Variants in PRKCE observed in about 807,000 individuals in gnomAD.
The protein encoded by PRKCE is protein kinase C epsilon type.
In PRKCE, 16 loss-of-function variants were observed where a neutral mutation model predicts 85.4. The ratio of observed to expected loss-of-function variants is 0.19; its 90% CI spans 0.13 to 0.28. The LOEUF (loss-of-function observed/expected upper bound fraction) is 0.28. PRKCE is among the 10% of genes least tolerant of loss of function. The pLI is 1.00. For missense variants in PRKCE, 573 were observed against 975.2 expected (o/e 0.59, Z 5.49); for synonymous variants, 388 against 371.5 (o/e 1.04, Z -0.51).
At chr2:46,051,886 A>C (rs535330146) in intron 10 of PRKCE, among the ~76,000 whole-genome samples, 10 of 152,136 alleles carry the variant, frequency 6.6e-5, no homozygotes, top group Non-Finnish European at 1.2e-4. Context: ...CAGCAGAGAG[A>C]GAAGAAGTGC....
chr2:45,807,285 T>C (rs1021711107), intron 1 of PRKCE, among the ~76,000 whole-genome samples: 1 of 152,182 alleles, frequency 6.6e-6, no homozygotes, highest in East Asian at 1.9e-4. Flanking sequence ...CACATAACAG[T>C]GGAATGATCA....
intron 1 of PRKCE, among the ~76,000 whole-genome samples, chr2:45,783,878 T>C (rs1686388003): frequency 1.3e-5 from 2 of 152,300 alleles, no homozygotes; most frequent in South Asian, 4.1e-4. Context: ...GATAGGAAAG[T>C]CACAGAAAGC....
At chr2:46,132,774 G>T (rs1558488305) in intron 11 of PRKCE, among the ~76,000 whole-genome samples, 1 of 152,152 alleles carries the variant, frequency 6.6e-6, no homozygotes, top group East Asian at 1.9e-4. Flanking sequence ...TACCTTCCAT[G>T]GCCAAATTAA....
intron 14 of PRKCE, among the ~76,000 whole-genome samples, chr2:46,164,263 C>T (rs3820730): frequency 0.81 from 122,696 of 152,150 alleles, 49,831 homozygotes; most frequent in East Asian, 0.96. Flanking sequence ...GGCAAGACAC[C>T]GTGAGAAGGG....
chr2:45,804,866 A>G (rs1328958673), intron 1 of PRKCE, among the ~76,000 whole-genome samples: 1 of 152,216 alleles, frequency 6.6e-6, no homozygotes, highest in Non-Finnish European at 1.5e-5. Flanking sequence ...GATTGTTTCA[A>G]AAGCCTTTCC....
chr2:45,899,486 A>G (rs909672212), intron 2 of PRKCE, among the ~76,000 whole-genome samples: 4 of 151,082 alleles, frequency 2.6e-5, no homozygotes, highest in Non-Finnish European at 5.9e-5. Context: ...GGCTCAGATG[A>G]TCTCCCCACC....
chr2:45,863,139 T>C (rs1052664907), intron 2 of PRKCE, among the ~76,000 whole-genome samples: 8 of 152,070 alleles, frequency 5.3e-5, no homozygotes, highest in South Asian at 2.1e-4. Flanking sequence ...GGAAGTTGGG[T>C]ATGCAGAATT....
At chr2:45,795,846 C>A (rs985625643) in intron 1 of PRKCE, among the ~76,000 whole-genome samples, 2 of 152,070 alleles carry the variant, frequency 1.3e-5, no homozygotes, top group Non-Finnish European at 2.9e-5. Flanking sequence ...GCTGTGAGAC[C>A]CCCCGCAGAG....
intron 9 of PRKCE, among the ~76,000 whole-genome samples, chr2:46,008,939 C>T (rs1416930526): frequency 2.6e-5 from 4 of 152,182 alleles, no homozygotes; most frequent in Non-Finnish European, 5.9e-5. Context: ...CTGTAAAATA[C>T]GCGGGCGACA....
chr2:45,747,867 G>A (rs1387349904), intron 1 of PRKCE, among the ~76,000 whole-genome samples: 1 of 151,910 alleles, frequency 6.6e-6, no homozygotes, highest in African/African-American at 2.4e-5. Context: ...CCAACACTTA[G>A]TCTTCTTTTT....
chr2:45,711,525 C>T (rs1200303722), intron 1 of PRKCE, among the ~76,000 whole-genome samples: 2 of 152,234 alleles, frequency 1.3e-5, no homozygotes, highest in African/African-American at 4.8e-5. Context: ...TTGTAAAGCA[C>T]TTAGCGTGCC....
chr2:46,056,421 T>A (rs1282429238), intron 10 of PRKCE, among the ~76,000 whole-genome samples: 1 of 152,170 alleles, frequency 6.6e-6, no homozygotes, highest in African/African-American at 2.4e-5. Flanking sequence ...TTATATGGGA[T>A]TAAGTTTTCC....
chr2:45,860,341 G>C (rs937669432), intron 2 of PRKCE, among the ~76,000 whole-genome samples: 42 of 152,210 alleles, frequency 2.8e-4, no homozygotes, highest in African/African-American at 1.0e-3. Flanking sequence ...ACTGATCCAT[G>C]TAACTCTGGC....
chr2:45,655,229 G>A (rs1242525019), intron 1 of PRKCE, among the ~76,000 whole-genome samples: 1 of 152,130 alleles, frequency 6.6e-6, no homozygotes, highest in Non-Finnish European at 1.5e-5. Context: ...TTGACACCAA[G>A]TACCCACATA....
chr2:46,158,507 C>A (rs1677437352), intron 13 of PRKCE, among the ~76,000 whole-genome samples: 1 of 152,170 alleles, frequency 6.6e-6, no homozygotes, highest in African/African-American at 2.4e-5. Context: ...CCCTTTCACT[C>A]TTTATCTGGG....
intron 14 of PRKCE, among the ~76,000 whole-genome samples, chr2:46,170,498 A>G (rs1426394183): frequency 1.3e-5 from 2 of 152,238 alleles, no homozygotes; most frequent in Non-Finnish European, 2.9e-5. Context: ...AGAGAGTTAC[A>G]TCTGTTTTGT....
At chr2:45,670,548 G>C (rs1043958264) in intron 1 of PRKCE, among the ~76,000 whole-genome samples, 9 of 152,078 alleles carry the variant, frequency 5.9e-5, no homozygotes, top group African/African-American at 2.2e-4. Flanking sequence ...AATTCTTACT[G>C]TGAGTCCCAG....
intron 11 of PRKCE, among the ~76,000 whole-genome samples, chr2:46,108,134 C>A (rs1205243717): frequency 6.6e-6 from 1 of 152,076 alleles, no homozygotes; most frequent in African/African-American, 2.4e-5. Flanking sequence ...CGCTCTGTTG[C>A]CCAGGCGGGT....
rs1677097405 is a variant in PRKCE, at chr2:46,155,384, A to G, written c.1920+4155A>G. On this transcript the variant is annotated intron_variant, in intron 13 of 14. Transcript: ENST00000306156. The surrounding 1 kb of genome is among the most constrained non-coding windows in gnomAD (Gnocchi z 4.7). ...TCGCGGGCCCCTGTTCGGCTCCTTC[A>G]TGAATGGATTCTGGTCACCGCCTCT... Among the ~76,000 whole-genome samples the G allele has an allele frequency of 6.6e-6, 1 of 151,992 alleles. No individual in the cohort carries two copies. Among genetic ancestry groups the G allele is most frequent in the South Asian group, 2.1e-4 (1 of 4,822 alleles).
Sources: gnomAD v4.1 joint callset for allele counts (sites outside exome capture counted in the v4.1 genomes callset) on GRCh38, gnomAD v4.1.1 for gene constraint, Gnocchi (gnomAD v3.1) non-coding constraint, MANE v1.5 for transcripts, NCBI Gene and HGNC (gene_info 2026-07-23, HGNC 2026-07-21) for gene names.